Variants in ARNT2 observed in about 807,000 individuals in gnomAD.
ARNT2 encodes aryl hydrocarbon receptor nuclear translocator 2, also known as ARNT protein 2.
Under a neutral mutation model 91.7 loss-of-function variants are expected in ARNT2, and 36 were observed. That is an observed-to-expected ratio of 0.39 (90% confidence interval 0.30 to 0.52). The LOEUF (loss-of-function observed/expected upper bound fraction) is 0.52, where lower values mean the gene tolerates loss of function less well. ARNT2 is among the 20% of genes least tolerant of loss of function. ARNT2 has a pLI of 0.72. For missense variants in ARNT2, 775 were observed against 939.3 expected (o/e 0.83, Z 2.29); for synonymous variants, 365 against 347.1 (o/e 1.05, Z -0.57).
intron 5 of ARNT2, among the ~76,000 whole-genome samples, chr15:80,494,315 G>A (rs1897096590): frequency 6.6e-6 from 1 of 151,948 alleles, no homozygotes; most frequent in African/African-American, 2.4e-5. Flanking sequence ...CATTTCATTA[G>A]CAAACTGCGA....
intron 1 of ARNT2, among the ~76,000 whole-genome samples, chr15:80,414,930 C>CT (rs1388183234): frequency 2.6e-5 from 4 of 152,166 alleles, no homozygotes; most frequent in African/African-American, 7.2e-5. Context: ...AACAGGTTGG[C>CT]TACGTGTGTG....
intron 8 of ARNT2, among the ~76,000 whole-genome samples, chr15:80,524,999 A>C (rs561050831): frequency 7.2e-5 from 11 of 152,254 alleles, no homozygotes; most frequent in Non-Finnish European, 1.6e-4. Context: ...CTATGCGTTG[A>C]AAAATGATAC....
chr15:80,523,830 G>A (rs1897592342), intron 8 of ARNT2, among the ~76,000 whole-genome samples: 1 of 152,206 alleles, frequency 6.6e-6, no homozygotes, highest in Non-Finnish European at 1.5e-5. Context: ...GACTGTGAGT[G>A]TGAGTGTACA....
intron 1 of ARNT2, among the ~76,000 whole-genome samples, chr15:80,449,345 G>T (rs188982853): frequency 0.021 from 3,150 of 152,202 alleles, 41 homozygotes; most frequent in Non-Finnish European, 0.027. Context: ...CCTTCAGTTT[G>T]GGGACATAAT....
intron 8 of ARNT2, among the ~76,000 whole-genome samples, chr15:80,530,551 CAA>C (rs1243893813): frequency 6.6e-6 from 1 of 152,102 alleles, no homozygotes; most frequent in Non-Finnish European, 1.5e-5. Context: ...CCATATATTT[CAA>C]AGTTTTCTCG....
chr15:80,465,459 T>C (rs1896640292), intron 3 of ARNT2, among the ~76,000 whole-genome samples: 1 of 152,132 alleles, frequency 6.6e-6, no homozygotes, highest in Non-Finnish European at 1.5e-5. Flanking sequence ...TGAGGCATCA[T>C]GGAGAAATGT....
chr15:80,567,333 G>A (rs767082969), intron 12 of ARNT2, among the ~76,000 whole-genome samples: 15 of 138,464 alleles, frequency 1.1e-4, no homozygotes, highest in Non-Finnish European at 1.9e-4. Flanking sequence ...ATGCCAGCCT[G>A]GATCTGCTTA....
In ARNT2 at chr15:80,575,034, C is replaced by T. The variant is rs749514803; in HGVS notation, c.1437C>T (p.Ser479=). 2.4e-5 allele frequency: 39 copies of T among 1,614,042 alleles called. No individual in the cohort carries two copies. Among genetic ancestry groups the T allele is most frequent in the South Asian group, 3.3e-5 (3 of 91,086 alleles). ...LPAGVHEAGK[S]VEKADAIFSQ... Reference sequence around the variant, plus strand: ...CCGGTGTTCATGAGGCCGGGAAGTCCGTGGAAAAGGCGGATGCAATCTTCT... The same window carrying T: ...CCGGTGTTCATGAGGCCGGGAAGTCTGTGGAAAAGGCGGATGCAATCTTCT... The change falls in exon 14 of 19, where the codon TCC becomes TCT. Residue 479 remains serine, a synonymous_variant. Coordinates refer to ENST00000303329, the MANE Select transcript of ARNT2 (RefSeq NM_014862.4).
At chr15:80,500,122 A>G (rs1897171442) in intron 5 of ARNT2, among the ~76,000 whole-genome samples, 2 of 152,166 alleles carry the variant, frequency 1.3e-5, no homozygotes, top group Admixed American at 1.3e-4. Flanking sequence ...TCCAGGCTCC[A>G]AAGTTTGTTC....
intron 8 of ARNT2, 69 bp downstream of exon 8, chr15:80,514,474 A>G: frequency 1.5e-6 from 2 of 1,348,994 alleles, no homozygotes; most frequent in South Asian, 2.4e-5. Context: ...GTGTCCTGTT[A>G]GAGAAGTATT....
intron 6 of ARNT2, among the ~76,000 whole-genome samples, chr15:80,513,017 G>A (rs2141427429): frequency 6.6e-6 from 1 of 152,336 alleles, no homozygotes; most frequent in Middle Eastern, 3.4e-3. Context: ...CATGGGGTGA[G>A]CCTCCTGTGA....
chr15:80,560,220 T>A (rs1432123694), intron 11 of ARNT2: 1 of 152,290 alleles, frequency 6.6e-6, no homozygotes, highest in Non-Finnish European at 1.5e-5. Context: ...TACACATTGA[T>A]CCTTCACCTG....
intron 1 of ARNT2, among the ~76,000 whole-genome samples, chr15:80,428,388 C>G (rs541066076): frequency 3.9e-5 from 6 of 152,216 alleles, no homozygotes. Context: ...GACTGTTACC[C>G]AGTTCCATGG....
chr15:80,527,111 T>C (rs1897651181), intron 8 of ARNT2, among the ~76,000 whole-genome samples: 1 of 152,232 alleles, frequency 6.6e-6, no homozygotes, highest in Non-Finnish European at 1.5e-5. Context: ...TTCTGGCCTC[T>C]TTGTTCTCAG....
intron 1 of ARNT2, among the ~76,000 whole-genome samples, chr15:80,427,564 G>A (rs1895950776): frequency 1.3e-5 from 2 of 152,140 alleles, no homozygotes; most frequent in South Asian, 2.1e-4. Flanking sequence ...ATTAAGTTCA[G>A]TTTTAGAATA....
At chr15:80,427,446 C>T (rs1269862188) in intron 1 of ARNT2, among the ~76,000 whole-genome samples, 1 of 152,100 alleles carries the variant, frequency 6.6e-6, no homozygotes, top group Non-Finnish European at 1.5e-5. Flanking sequence ...TCCAGAAAAT[C>T]TTAGTGAAAG....
At chr15:80,414,909 A>G (rs765452208) in intron 1 of ARNT2, among the ~76,000 whole-genome samples, 1 of 152,098 alleles carries the variant, frequency 6.6e-6, no homozygotes, top group Admixed American at 6.6e-5. Context: ...GGTTGGAAAG[A>G]TGTGGCATAA....
intron 3 of ARNT2, among the ~76,000 whole-genome samples, chr15:80,461,220 A>C (rs1334081874): frequency 6.6e-6 from 1 of 152,222 alleles, no homozygotes; most frequent in Non-Finnish European, 1.5e-5. Flanking sequence ...GTATAAGTGC[A>C]ATTTCCCTCC....
intron 12 of ARNT2, among the ~76,000 whole-genome samples, chr15:80,568,926 ACACACACACGCG>A (rs1243769709): frequency 6.6e-6 from 1 of 151,686 alleles, no homozygotes; most frequent in African/African-American, 2.4e-5. Context: ...GAGCTCTAAC[ACACACACACGCG>A]CACACACACG....
Sources: gnomAD v4.1 joint callset for allele counts (sites outside exome capture counted in the v4.1 genomes callset) on GRCh38, gnomAD v4.1.1 for gene constraint, MANE v1.5 for transcripts, NCBI Gene and HGNC (gene_info 2026-07-23, HGNC 2026-07-21) for gene names.